Variants in ASS1 observed in about 807,000 individuals in gnomAD.
ASS1 encodes the protein argininosuccinate synthase.
ASS1 carries 58 observed loss-of-function variants against 60.5 expected under a neutral mutation model. The observed-to-expected ratio is 0.96, with a 90% CI of 0.78 to 1.19. ASS1 has a LOEUF of 1.19. ASS1 is among the 50% of genes most tolerant of loss of function. The probability of loss-of-function intolerance (pLI) is 0.00; values close to 1 mark genes in which losing one functional copy is unlikely to be tolerated. For synonymous variants in ASS1, 200 were observed against 206.9 expected (o/e 0.97, Z 0.29); for missense variants, 454 against 547.3 (o/e 0.83, Z 1.70).
At chr9:130,479,529 CTT>C (rs1456209926) in intron 9 of ASS1, among the ~76,000 whole-genome samples, 185 bp from the exon 10 acceptor site, 5 of 152,026 alleles carry the variant, frequency 3.3e-5, no homozygotes, top group Non-Finnish European at 7.4e-5. Context: ...TTCTGGGGGG[CTT>C]TCTCGCCCCT....
Position 130,464,228 on chromosome 9 carries a change from G to C in ASS1, c.420+61G>C, listed in dbSNP as rs1845672706. The C allele has an allele frequency of 1.9e-6, 3 of 1,570,280 alleles. No individual in the cohort carries two copies. The Admixed American group carries it at 5.0e-5, about 26-fold the overall frequency. ...AGCATCTGCAGCACCTGATGGGGAG[G>C]AGGGCACAGGGTTCTGGGAGATTCC... On this transcript the variant is annotated intron_variant, in intron 5 of 14. Coordinates refer to ENST00000352480, the MANE Select transcript of ASS1 (RefSeq NM_054012.4).
rs1025941424 is a variant in ASS1, at chr9:130,489,703, G to A, written c.970+239G>A. 6.6e-6 allele frequency among the ~76,000 whole-genome samples: 1 copy of A among 152,204 alleles called. No individual in the cohort carries two copies. The highest frequency in any genetic ancestry group is 2.4e-5 in the African/African-American group (1 of 41,446). On this transcript the variant is annotated intron_variant, in intron 12 of 14. Transcript: ENST00000352480. This position sits in a 1 kb window ranked among gnomAD's most constrained non-coding sequence, Gnocchi z 4.1. ...TGCCATGGGGTGTGTCCAGGGAGATGCACCGGCTTCCCAAGGTGTCCGGCA... is the reference window on the plus strand; with the variant it reads ...TGCCATGGGGTGTGTCCAGGGAGATACACCGGCTTCCCAAGGTGTCCGGCA...
At chr9:130,466,539 G>C in intron 5 of ASS1, 186 bp from the exon 6 acceptor site, 1 of 650,868 alleles carries the variant, frequency 1.5e-6, no homozygotes, top group Non-Finnish European at 2.8e-6. Context: ...GCCAGCCCCG[G>C]TGAGGGAGTC....
In ASS1 at chr9:130,462,288, A is replaced by C. The variant is rs116268704; in HGVS notation, c.364-1823A>C. ...CCCCAGGCCCCCCAGTCCCAGTGGG[A>C]CCGTGTTTACATGCATGTTTACACA... On this transcript the variant is annotated intron_variant, in intron 4 of 14. Coordinates refer to ENST00000352480, the MANE Select transcript of ASS1 (RefSeq NM_054012.4). Among the ~76,000 whole-genome samples the C allele has an allele frequency of 6.6e-3, 1,012 of 152,306 alleles. 14 individuals are homozygous for C. The highest frequency in any genetic ancestry group is 0.023 in the African/African-American group (972 of 41,552).
chr9:130,465,853 G>A (rs577606688), intron 5 of ASS1, among the ~76,000 whole-genome samples: 3 of 152,228 alleles, frequency 2.0e-5, no homozygotes, highest in South Asian at 2.1e-4. Flanking sequence ...CAGCGAGGCC[G>A]CAGGACGGGG....
chr9:130,479,782 T>G lies in ASS1; in HGVS notation c.755T>G (p.Met252Arg). ...TTHQTSLELFMYLNEVAGKHG... is the reference protein window; with the variant it reads ...TTHQTSLELFRYLNEVAGKHG... ...CACCAGACCTCCTTGGAGCTCTTCA[T>G]GTACCTGAACGAAGTCGCGTGAGTG... Residue 252 changes from methionine (M) to arginine (R), a missense_variant, in exon 10 of 15, where the codon ATG becomes AGG. Transcript: ENST00000352480. The G allele has an allele frequency of 6.2e-7, 1 of 1,614,196 alleles. No homozygotes were observed. The highest frequency in any genetic ancestry group is 8.5e-7 in the Non-Finnish European group (1 of 1,180,002).
At chr9:130,492,793 C>T (rs1388455209) in intron 12 of ASS1, among the ~76,000 whole-genome samples, 3 of 152,234 alleles carry the variant, frequency 2.0e-5, no homozygotes. Context: ...GGTCCCTCTC[C>T]AGCTCAGCCC....
intron 11 of ASS1, among the ~76,000 whole-genome samples, chr9:130,487,352 T>C (rs1190861049): frequency 6.6e-6 from 1 of 151,066 alleles, no homozygotes; most frequent in Non-Finnish European, 1.5e-5. Flanking sequence ...AGACTCAGCC[T>C]CCCCAGATCC....
At chr9:130,475,082 A>T (rs995288715) in intron 8 of ASS1, among the ~76,000 whole-genome samples, 1 of 152,234 alleles carries the variant, frequency 6.6e-6, no homozygotes, top group Non-Finnish European at 1.5e-5. Context: ...CCCAGGACTA[A>T]GAGGTTTCTT....
chr9:130,464,191 G>A (rs374139583), intron 5 of ASS1, 24 bp downstream of exon 5: 2 of 1,612,288 alleles, frequency 1.2e-6, no homozygotes, highest in African/African-American at 2.7e-5. Context: ...CCTCCCCTTA[G>A]CAGGGAGCAC....
intron 13 of ASS1, among the ~76,000 whole-genome samples, chr9:130,499,219 T>C (rs775658482): frequency 6.6e-6 from 1 of 152,188 alleles, no homozygotes; most frequent in Non-Finnish European, 1.5e-5. Flanking sequence ...ATAGGGCTAG[T>C]TCTGGGGTGG....
intron 5 of ASS1, chr9:130,466,391 A>C: frequency 2.5e-6 from 1 of 403,592 alleles, no homozygotes; most frequent in East Asian, 5.4e-5. Flanking sequence ...CCTGTGGCTG[A>C]AGGTGCTGGC....
chr9:130,469,433 T>C (rs1352636079), intron 6 of ASS1, among the ~76,000 whole-genome samples: 1 of 151,844 alleles, frequency 6.6e-6, no homozygotes, highest in African/African-American at 2.4e-5. Context: ...TTTTTTGAGA[T>C]AGAGTCTCAC....
At chr9:130,456,242 G>T (rs1845446429) in intron 3 of ASS1, among the ~76,000 whole-genome samples, 1 of 152,182 alleles carries the variant, frequency 6.6e-6, no homozygotes, top group Non-Finnish European at 1.5e-5. Flanking sequence ...GAGGCAGGCA[G>T]ATCACCTGAG....
At chr9:130,446,149 G>T (rs541124567) in intron 1 of ASS1, among the ~76,000 whole-genome samples, 1 of 152,164 alleles carries the variant, frequency 6.6e-6, no homozygotes, top group Admixed American at 6.5e-5. Context: ...CACCCAAAGT[G>T]CCTGGCCCCC....
intron 8 of ASS1, 131 bp downstream of exon 8, chr9:130,471,646 C>T (rs1845868756): frequency 3.5e-6 from 4 of 1,143,086 alleles, no homozygotes; most frequent in Admixed American, 1.9e-5. Context: ...TGGGGCCGAG[C>T]CCTGCCTGTG....
intron 11 of ASS1, among the ~76,000 whole-genome samples, chr9:130,483,758 TCCTTTCCTCCTCCCTCTCTC>T (rs71387353): frequency 6.6e-5 from 7 of 106,356 alleles, no homozygotes; most frequent in Admixed American, 9.3e-5. Flanking sequence ...CTCCTTGCCT[TCCTTTCCTCCTCCCTCTCTC>T]CCTTTCCTCC....
intron 11 of ASS1, among the ~76,000 whole-genome samples, chr9:130,487,804 G>A (rs1476181671): frequency 6.6e-6 from 1 of 151,586 alleles, no homozygotes; most frequent in African/African-American, 2.4e-5. Flanking sequence ...AGGCTGGAGT[G>A]CAGTGGTGTG....
chr9:130,489,243 TTA>T lies in ASS1; in HGVS notation c.839-88_839-87del, dbSNP rs1414838792. The T allele has an allele frequency of 2.2e-3, 3,111 of 1,406,232 alleles. 5 individuals carry two copies. The highest frequency in any genetic ancestry group is 5.0e-3 in the South Asian group (413 of 83,116). 87.1% of individuals were successfully genotyped at this position (1,406,232 alleles called of 1,614,324 possible). On this transcript the variant is annotated intron_variant, in intron 11 of 14. Coordinates refer to ENST00000352480, the MANE Select transcript of ASS1 (RefSeq NM_054012.4). The surrounding 1 kb of genome is among the most constrained non-coding windows in gnomAD (Gnocchi z 4.1). ...CCTGTCAGACGACTCATTATTATTATTATTTTTTTTTTTGTCATTTGCTGACA... is the reference window on the plus strand; with the variant it reads ...CCTGTCAGACGACTCATTATTATTATTTTTTTTTTTTGTCATTTGCTGACA...
Sources: allele counts gnomAD v4.1 joint callset (sites outside exome capture counted in the v4.1 genomes callset), GRCh38; gene constraint gnomAD v4.1.1; non-coding constraint Gnocchi (gnomAD v3.1); transcripts MANE v1.5; gene names NCBI Gene and HGNC (gene_info 2026-07-23, HGNC 2026-07-21).